CNTNAP2: variants seen among roughly 807,000 people sequenced by gnomAD.
The protein encoded by CNTNAP2 is contactin-associated protein-like 2.
Under a neutral mutation model 155.2 loss-of-function variants are expected in CNTNAP2, and 98 were observed. That is an observed-to-expected ratio of 0.63 (90% CI 0.54 to 0.75). The LOEUF (loss-of-function observed/expected upper bound fraction) is 0.75, where lower values mean the gene tolerates loss of function less well. Ranked by LOEUF, CNTNAP2 falls within the 30% of genes least tolerant of loss-of-function variation. The pLI, the probability that CNTNAP2 is intolerant of heterozygous loss-of-function variation, is 0.00. For synonymous variants in CNTNAP2, 651 were observed against 631.2 expected (o/e 1.03, Z -0.47); for missense variants, 1,727 against 1,688.1 (o/e 1.02, Z -0.40).
intron 1 of CNTNAP2, among the ~76,000 whole-genome samples, chr7:146,755,973 A>T (rs1801988555): frequency 6.6e-6 from 1 of 151,966 alleles, no homozygotes; most frequent in South Asian, 2.1e-4. Flanking sequence ...ATATGAAACG[A>T]AAGTGGATGA....
intron 15 of CNTNAP2, among the ~76,000 whole-genome samples, chr7:148,117,743 A>G (rs1804506695): frequency 6.6e-6 from 1 of 151,296 alleles, no homozygotes; most frequent in Non-Finnish European, 1.5e-5. Flanking sequence ...GTCCCATAGG[A>G]CTCCTTGGTA....
chr7:147,027,221 T>G (rs1002637544), intron 3 of CNTNAP2, among the ~76,000 whole-genome samples: 3 of 152,092 alleles, frequency 2.0e-5, no homozygotes, highest in African/African-American at 7.2e-5. Flanking sequence ...CAAATAAAAT[T>G]TTCATACGTA....
chr7:146,356,838 T>C (rs1194288739), intron 1 of CNTNAP2, among the ~76,000 whole-genome samples: 2 of 152,164 alleles, frequency 1.3e-5, no homozygotes, highest in Non-Finnish European at 2.9e-5. Flanking sequence ...TCTTTAAACA[T>C]TCTACTTTCC....
intron 5 of CNTNAP2, among the ~76,000 whole-genome samples, chr7:147,120,193 G>C (rs1801074329): frequency 6.6e-6 from 1 of 152,098 alleles, no homozygotes; most frequent in Admixed American, 6.5e-5. Context: ...TTGCTATGTG[G>C]TCTTAATAAT....
At chr7:148,142,093 C>CTCTGTG (rs1554476721) in intron 16 of CNTNAP2, among the ~76,000 whole-genome samples, 131 of 136,412 alleles carry the variant, frequency 9.6e-4, no homozygotes, top group African/African-American at 3.6e-3. Context: ...AGATATGTCT[C>CTCTGTG]TGTGTGTGTG....
chr7:147,588,371 T>C (rs942216009), intron 12 of CNTNAP2, among the ~76,000 whole-genome samples: 8 of 152,172 alleles, frequency 5.3e-5, no homozygotes, highest in Non-Finnish European at 1.0e-4. Flanking sequence ...AGAACAAACA[T>C]TTCAAAAGAG....
At chr7:147,107,576 T>C (rs2129279379) in intron 4 of CNTNAP2, among the ~76,000 whole-genome samples, 1 of 152,160 alleles carries the variant, frequency 6.6e-6, no homozygotes, top group Admixed American at 6.6e-5. Context: ...TAAGAATAAA[T>C]GGTAAGAAGT....
At position 147,618,066 on chromosome 7, in the gene CNTNAP2, CA is replaced by C. The variant is rs140477221; in HGVS notation, c.1898-21039del. Among the ~76,000 whole-genome samples, 587 of 152,200 alleles carry C rather than the reference CA, an allele frequency of 3.9e-3. 2 individuals carry two copies. The highest frequency in any genetic ancestry group is 6.3e-3 in the Non-Finnish European group (428 of 67,998). ...TTAAGACTTCTATGCCCAAAGAAAA[CA>C]GACAAAATTATTAAGATACAGTTGC... On this transcript the variant is annotated intron_variant, in intron 12 of 23. Transcript: ENST00000361727.
At chr7:146,378,086 A>G (rs1234573546) in intron 1 of CNTNAP2, among the ~76,000 whole-genome samples, 3 of 152,136 alleles carry the variant, frequency 2.0e-5, no homozygotes, top group African/African-American at 7.2e-5. Context: ...TATATGTCTT[A>G]CTTATCGCCA....
chr7:148,412,653 GA>G (rs1392104154), intron 23 of CNTNAP2, among the ~76,000 whole-genome samples: 1 of 152,122 alleles, frequency 6.6e-6, no homozygotes, highest in Admixed American at 6.6e-5. Flanking sequence ...AGAATAATGA[GA>G]TTTTTTTACT....
At chr7:146,836,370 C>G (rs1183998808) in intron 2 of CNTNAP2, among the ~76,000 whole-genome samples, 1 of 152,042 alleles carries the variant, frequency 6.6e-6, no homozygotes, top group African/African-American at 2.4e-5. Context: ...ATGTACTGCT[C>G]TTCATACTAT....
At chr7:148,274,553 C>G (rs147637356) in intron 21 of CNTNAP2, among the ~76,000 whole-genome samples, 1 of 152,320 alleles carries the variant, frequency 6.6e-6, no homozygotes, top group African/African-American at 2.4e-5. Flanking sequence ...TGAGTTCACA[C>G]AAAACCTGGA....
chr7:148,205,893 T>C (rs1328012564), intron 18 of CNTNAP2, among the ~76,000 whole-genome samples: 3 of 152,240 alleles, frequency 2.0e-5, no homozygotes, highest in African/African-American at 7.2e-5. Context: ...AGAAGCCTGG[T>C]GCATGAATAA....
intron 15 of CNTNAP2, among the ~76,000 whole-genome samples, chr7:148,025,953 G>C (rs369412827): frequency 6.6e-6 from 1 of 152,082 alleles, no homozygotes; most frequent in Non-Finnish European, 1.5e-5. Context: ...CTAATATATC[G>C]GTATGGGACA....
At chr7:146,776,271 A>T (rs1030025268) in intron 2 of CNTNAP2, among the ~76,000 whole-genome samples, 1 of 152,228 alleles carries the variant, frequency 6.6e-6, no homozygotes, top group African/African-American at 2.4e-5. Context: ...AGCACCTGTG[A>T]GGAATGGAAG....
rs1488501697 is a variant in CNTNAP2 at position 146,535,390 on chromosome 7, G to GAT, written c.98-238872_98-238871dup. The stretch of plus-strand genomic sequence containing the variant: ...GTATATTATATATGATATAATATAT[G>GAT]ATATATATATTATATATGATATAAT... On this transcript the variant is annotated intron_variant, in intron 1 of 23. Transcript: ENST00000361727. 6.7e-5 allele frequency among the ~76,000 whole-genome samples: 3 copies of GAT among 44,998 alleles called. 1 individual carries two copies. The highest frequency in any genetic ancestry group is 5.7e-4 in the African/African-American group (2 of 3,490). The allele number at this position is 44,998 out of a possible 152,430, so 29.5% of individuals were successfully genotyped here.
At chr7:146,326,625 A>G (rs1364198101) in intron 1 of CNTNAP2, among the ~76,000 whole-genome samples, 1 of 152,236 alleles carries the variant, frequency 6.6e-6, no homozygotes, top group Non-Finnish European at 1.5e-5. Flanking sequence ...AGCCGCAGGA[A>G]GCTATTAAAG....
intron 4 of CNTNAP2, among the ~76,000 whole-genome samples, chr7:147,069,230 G>T (rs1396669246): frequency 6.6e-6 from 1 of 152,150 alleles, no homozygotes; most frequent in Non-Finnish European, 1.5e-5. Context: ...TGTTAGAATG[G>T]CAGGGTAGGG....
chr7:148,107,250 T>C (rs1023276143), intron 15 of CNTNAP2, among the ~76,000 whole-genome samples: 3 of 152,212 alleles, frequency 2.0e-5, no homozygotes, highest in African/African-American at 7.2e-5. Flanking sequence ...AACCTGGCTA[T>C]AGGTCAGCTC....
Sources: gnomAD v4.1 joint callset for allele counts (sites outside exome capture counted in the v4.1 genomes callset) on GRCh38, gnomAD v4.1.1 for gene constraint, MANE v1.5 for transcripts, NCBI Gene and HGNC (gene_info 2026-07-23, HGNC 2026-07-21) for gene names.